Variants in EEPD1 observed in about 807,000 individuals in gnomAD.
EEPD1 encodes endonuclease/exonuclease/phosphatase family domain containing 1, also known as endonuclease/exonuclease/phosphatase family domain-containing protein 1.
A neutral mutation model predicts 46.3 loss-of-function variants in EEPD1; 17 were observed. The observed-to-expected ratio is 0.37, with a 90% CI of 0.25 to 0.55. The LOEUF (loss-of-function observed/expected upper bound fraction) is 0.55, where lower values mean the gene tolerates loss of function less well. Ranked by LOEUF, EEPD1 falls within the 20% of genes least tolerant of loss-of-function variation. The pLI is 0.83. For synonymous variants in EEPD1, 313 were observed against 315.6 expected, an observed-to-expected ratio of 0.99 and a Z score of 0.09; for missense variants, 673 against 745.6, an observed-to-expected ratio of 0.90 and a Z score of 1.13.
intron 2 of EEPD1, among the ~76,000 whole-genome samples, chr7:36,187,866 A>G (rs755960721): frequency 2.6e-5 from 4 of 152,128 alleles, no homozygotes; most frequent in Non-Finnish European, 5.9e-5. Context: ...GCATGATCTC[A>G]GCTCACTGCA....
intron 2 of EEPD1, among the ~76,000 whole-genome samples, chr7:36,235,884 G>C (rs143941115): frequency 6.6e-6 from 1 of 150,630 alleles, no homozygotes; most frequent in African/African-American, 2.4e-5. Flanking sequence ...GTACACTTAC[G>C]TTGTTGTATA....
intron 2 of EEPD1, among the ~76,000 whole-genome samples, chr7:36,177,837 CCGAGTAGCTAGGATTA>C (rs1785208514): frequency 6.6e-6 from 1 of 152,108 alleles, no homozygotes; most frequent in African/African-American, 2.4e-5. Context: ...CCTCAACCTC[CCGAGTAGCTAGGATTA>C]CGGGTGCGCA....
chr7:36,231,564 C>A (rs1786329350), intron 2 of EEPD1, among the ~76,000 whole-genome samples: 1 of 152,136 alleles, frequency 6.6e-6, no homozygotes, highest in Non-Finnish European at 1.5e-5. Flanking sequence ...CAGGAAGACA[C>A]CTCTCTCTTC....
chr7:36,264,071 C>G (rs1786973865), intron 3 of EEPD1, among the ~76,000 whole-genome samples: 1 of 152,068 alleles, frequency 6.6e-6, no homozygotes, highest in Non-Finnish European at 1.5e-5. Context: ...GGATAAAGCT[C>G]ACACCAGTTA....
At position 36,300,384 on chromosome 7, in the gene EEPD1, T is replaced by C. The variant is rs196617; in HGVS notation, c.*1178T>C. The C allele has an allele frequency of 0.77, 117,491 of 152,210 alleles. 48,076 individuals carry two copies. The highest frequency in any genetic ancestry group is 0.96 in the East Asian group (4,983 of 5,170). 9.4% of individuals were successfully genotyped at this position (152,210 alleles called of 1,614,324 possible). A position where few individuals can be genotyped will look rare whatever the true frequency, so the allele number is the denominator to read the frequency against. The stretch of plus-strand genomic sequence containing the variant: ...ATTTGCGTTTCACAGCTGAAGACGC[T>C]GAGGCTTAGAGAGCTCGACCTCCTC... On this transcript the variant is annotated 3_prime_UTR_variant, in exon 8 of 8. Transcript: ENST00000242108.
At chr7:36,264,389 C>T (rs1019392742) in intron 3 of EEPD1, among the ~76,000 whole-genome samples, 7 of 152,188 alleles carry the variant, frequency 4.6e-5, no homozygotes, top group African/African-American at 9.7e-5. Flanking sequence ...GCCCTGCATT[C>T]GTCCTCTGTT....
chr7:36,247,896 A>G (rs1188296477), intron 3 of EEPD1, among the ~76,000 whole-genome samples: 5 of 152,184 alleles, frequency 3.3e-5, no homozygotes, highest in Non-Finnish European at 7.3e-5. Flanking sequence ...TGTGACTTGT[A>G]GCAAAACAGA....
chr7:36,166,603 A>G (rs965439090), intron 2 of EEPD1, among the ~76,000 whole-genome samples: 5 of 152,172 alleles, frequency 3.3e-5, no homozygotes, highest in African/African-American at 7.2e-5. Context: ...TCATTGGTCA[A>G]CCTAGGCAAG....
intron 2 of EEPD1, among the ~76,000 whole-genome samples, chr7:36,197,547 CTT>C (rs1238595116): frequency 6.6e-6 from 1 of 152,150 alleles, no homozygotes; most frequent in East Asian, 1.9e-4. Flanking sequence ...ACATGGGAGA[CTT>C]TTCATTTTGT....
chr7:36,294,251 A>G (rs1206342833), intron 6 of EEPD1, among the ~76,000 whole-genome samples: 1 of 152,232 alleles, frequency 6.6e-6, no homozygotes, highest in Admixed American at 6.5e-5. Context: ...ATGAGAATAT[A>G]TAAACATTTT....
intron 2 of EEPD1, among the ~76,000 whole-genome samples, chr7:36,223,199 A>C (rs1393491293): frequency 1.3e-5 from 2 of 151,890 alleles, no homozygotes; most frequent in African/African-American, 4.9e-5. Flanking sequence ...TAAGAAATAA[A>C]TTTTAACACA....
At chr7:36,249,875 A>T (rs1429763553) in intron 3 of EEPD1, among the ~76,000 whole-genome samples, 1 of 152,206 alleles carries the variant, frequency 6.6e-6, no homozygotes. Flanking sequence ...GCTTTAAAAA[A>T]AACAGGTTGT....
intron 2 of EEPD1, chr7:36,228,493 C>T (rs1159435400): frequency 6.6e-6 from 1 of 151,752 alleles, no homozygotes; most frequent in Non-Finnish European, 1.5e-5. Flanking sequence ...TGCCACTGCA[C>T]TCCAGCCTGG....
chr7:36,236,283 AGT>A (rs1786437717), intron 2 of EEPD1, among the ~76,000 whole-genome samples: 1 of 152,074 alleles, frequency 6.6e-6, no homozygotes, highest in Admixed American at 6.5e-5. Context: ...CTCGCAGGGA[AGT>A]GTGAAGAGAG....
At chr7:36,219,800 A>AGT (rs1476592033) in intron 2 of EEPD1, among the ~76,000 whole-genome samples, 269 of 66,562 alleles carry the variant, frequency 4.0e-3, no homozygotes, top group Middle Eastern at 9.4e-3. Flanking sequence ...AGAGAGAGAG[A>AGT]GAGAGAGTGT....
intron 2 of EEPD1, among the ~76,000 whole-genome samples, chr7:36,227,470 C>T (rs1324024944): frequency 2.0e-5 from 3 of 152,188 alleles, no homozygotes; most frequent in African/African-American, 7.2e-5. Flanking sequence ...AGAGCTCATC[C>T]CTCCTCCTGG....
At chr7:36,264,757 C>T (rs1786985839) in intron 3 of EEPD1, among the ~76,000 whole-genome samples, 1 of 152,146 alleles carries the variant, frequency 6.6e-6, no homozygotes, top group African/African-American at 2.4e-5. Context: ...AAAAATTTAA[C>T]AGGAAGGGAG....
At chr7:36,280,727 T>C (rs886393360) in intron 3 of EEPD1, among the ~76,000 whole-genome samples, 10 of 145,964 alleles carry the variant, frequency 6.9e-5, no homozygotes, top group Non-Finnish European at 1.2e-4. Context: ...CATGTATCCA[T>C]CTTGTTACCT....
chr7:36,289,826 T>A, intron 6 of EEPD1, among the ~76,000 whole-genome samples: 1 of 152,212 alleles, frequency 6.6e-6, no homozygotes, highest in South Asian at 2.1e-4. Flanking sequence ...CTAAGTAATA[T>A]CCCACTGTGC....
Sources: allele counts gnomAD v4.1 joint callset (sites outside exome capture counted in the v4.1 genomes callset), GRCh38; gene constraint gnomAD v4.1.1; transcripts MANE v1.5; gene names NCBI Gene and HGNC (gene_info 2026-07-23, HGNC 2026-07-21).